Variants in DNER observed in about 807,000 individuals in gnomAD.
DNER encodes delta and Notch-like epidermal growth factor-related receptor.
DNER carries 33 observed loss-of-function variants against 78.2 expected under a neutral mutation model. The ratio of observed to expected loss-of-function variants is 0.42; its 90% CI spans 0.32 to 0.56. The LOEUF is 0.56. Ranked by LOEUF, DNER falls within the 20% of genes least tolerant of loss-of-function variation. DNER has a pLI of 0.11. For synonymous variants in DNER, 417 were observed against 384.8 expected (o/e 1.08, Z -0.98); for missense variants, 918 against 975.3 (o/e 0.94, Z 0.78).
intron 6 of DNER, among the ~76,000 whole-genome samples, chr2:229,483,841 C>T (rs970635736): frequency 2.0e-5 from 3 of 152,142 alleles, no homozygotes; most frequent in African/African-American, 7.2e-5. Flanking sequence ...AAACTTCGCT[C>T]TTATTTCTAC....
At chr2:229,519,058 CCTTT>C (rs1696040261) in intron 5 of DNER, among the ~76,000 whole-genome samples, 1 of 151,738 alleles carries the variant, frequency 6.6e-6, no homozygotes, top group Non-Finnish European at 1.5e-5. Context: ...GACTATTTCT[CCTTT>C]CTAACTTGGA....
Position 229,591,851 on chromosome 2 carries a change from T to C in DNER, c.314A>G (p.His105Arg). 1 of 1,608,896 alleles carries C rather than the reference T, an allele frequency of 6.2e-7. No homozygotes were observed. Among genetic ancestry groups the C allele is most frequent in the Non-Finnish European group, 8.5e-7 (1 of 1,177,312 alleles). ...ADPCASNPCH[H>R]GNCSSSSSSS... is the part of the protein sequence containing the mutation. The stretch of plus-strand genomic sequence containing the variant: ...GCTGCTGCTGCTGCTGCAGTTGCCA[T>C]GGTGACAAGGGTTGCTGGCACAAGG... The change falls in exon 2 of 13, where the codon CAT becomes CGT. Residue 105 changes from histidine (H) to arginine (R), a missense_variant. Coordinates refer to ENST00000341772, the MANE Select transcript of DNER (RefSeq NM_139072.4). This position sits in a 1 kb window ranked among gnomAD's most constrained non-coding sequence, Gnocchi z 4.6.
chr2:229,605,559 A>C lies in DNER; in HGVS notation c.277-13671T>G, dbSNP rs181296598. The stretch of plus-strand genomic sequence containing the variant: ...AAAAGTATATCCATAATGGCTTTTC[A>C]AGCTAACAATTTTTGAACACAGAGC... On this transcript the variant is annotated intron_variant, in intron 1 of 12. Transcript: ENST00000341772. Among the ~76,000 whole-genome samples the C allele has an allele frequency of 6.1e-4, 93 of 152,356 alleles. 1 individual carries two copies. The highest frequency in any genetic ancestry group is 2.2e-3 in the African/African-American group (90 of 41,584).
At chr2:229,516,785 T>TAAAAAA (rs796603043) in intron 5 of DNER, among the ~76,000 whole-genome samples, 2 of 83,866 alleles carry the variant, frequency 2.4e-5, no homozygotes, top group African/African-American at 3.4e-5. Flanking sequence ...ACGCTGTCTC[T>TAAAAAA]AAAAAAAAAA....
chr2:229,506,089 T>A (rs6749788), intron 6 of DNER, among the ~76,000 whole-genome samples: 1 of 151,992 alleles, frequency 6.6e-6, no homozygotes. Context: ...CAAACTGTTT[T>A]GGGGTTGTAT....
intron 8 of DNER, among the ~76,000 whole-genome samples, chr2:229,442,784 G>A (rs1409157761): frequency 1.3e-5 from 2 of 152,092 alleles, no homozygotes; most frequent in African/African-American, 4.8e-5. Flanking sequence ...TTTAACAGAA[G>A]GAGCAGTGTC....
chr2:229,681,844 A>ACACACG (rs1465247864), intron 1 of DNER, among the ~76,000 whole-genome samples: 1 of 151,094 alleles, frequency 6.6e-6, no homozygotes, highest in East Asian at 1.9e-4. Context: ...ACACACACAC[A>ACACACG]CACACACACA....
intron 1 of DNER, among the ~76,000 whole-genome samples, chr2:229,609,677 G>C (rs1036713505): frequency 9.2e-5 from 14 of 152,238 alleles, no homozygotes; most frequent in South Asian, 6.2e-4. Context: ...CTAACGTGCT[G>C]GTGGAGGGAC....
At chr2:229,476,310 GA>G (rs1314571117) in intron 7 of DNER, among the ~76,000 whole-genome samples, 1 of 152,150 alleles carries the variant, frequency 6.6e-6, no homozygotes, top group Non-Finnish European at 1.5e-5. Context: ...CGTTATCTGG[GA>G]AGCCAGTGGC....
At chr2:229,451,370 T>C (rs1036802724) in intron 7 of DNER, among the ~76,000 whole-genome samples, 1 of 152,130 alleles carries the variant, frequency 6.6e-6, no homozygotes, top group African/African-American at 2.4e-5. Flanking sequence ...GGCAGGAGAA[T>C]CGCTTGAACC....
In DNER at chr2:229,501,235, G is replaced by A. The variant is rs372080532; in HGVS notation, c.1147+11548C>T. On this transcript the variant is annotated intron_variant, in intron 6 of 12. Transcript: ENST00000341772. Reference sequence around the variant, plus strand: ...TTCCAGAGATCTATTGTACAACACCGTGACTATAGTTAGTCACAATGTATT... The same window carrying A: ...TTCCAGAGATCTATTGTACAACACCATGACTATAGTTAGTCACAATGTATT... 1.0e-3 allele frequency among the ~76,000 whole-genome samples: 152 copies of A among 151,552 alleles called. 5 individuals carry two copies. Among genetic ancestry groups the A allele is most frequent in the African/African-American group, 9.9e-4 (41 of 41,242 alleles).
At chr2:229,610,101 G>T (rs1403992768) in intron 1 of DNER, among the ~76,000 whole-genome samples, 1 of 152,138 alleles carries the variant, frequency 6.6e-6, no homozygotes, top group East Asian at 1.9e-4. Flanking sequence ...TATTAACATT[G>T]TGCCCTGGTA....
intron 12 of DNER, among the ~76,000 whole-genome samples, chr2:229,363,986 T>C (rs1046025699): frequency 3.2e-5 from 3 of 94,590 alleles, no homozygotes; most frequent in East Asian, 3.2e-4. Flanking sequence ...AATTCTCTGC[T>C]TTTTTTTTTT....
chr2:229,447,949 C>A (rs1694373756), intron 7 of DNER, among the ~76,000 whole-genome samples: 1 of 152,062 alleles, frequency 6.6e-6, no homozygotes, highest in Non-Finnish European at 1.5e-5. Flanking sequence ...TAATGGGGAA[C>A]ACATTTCTTA....
chr2:229,583,977 A>AT (rs911802971), intron 4 of DNER, among the ~76,000 whole-genome samples: 1 of 152,216 alleles, frequency 6.6e-6, no homozygotes, highest in African/African-American at 2.4e-5. Flanking sequence ...ACTTCCAAAG[A>AT]TTAAAAAAAG....
At chr2:229,480,278 G>T (rs1695128575) in intron 6 of DNER, among the ~76,000 whole-genome samples, 1 of 151,976 alleles carries the variant, frequency 6.6e-6, no homozygotes, top group African/African-American at 2.4e-5. Flanking sequence ...ATTTTCCTAG[G>T]TTCCCCATGA....
chr2:229,505,713 T>C (rs889309945), intron 6 of DNER, among the ~76,000 whole-genome samples: 1 of 152,124 alleles, frequency 6.6e-6, no homozygotes, highest in Non-Finnish European at 1.5e-5. Flanking sequence ...GAAAACTAAC[T>C]CTAAGCAAAT....
intron 6 of DNER, among the ~76,000 whole-genome samples, chr2:229,494,312 T>C (rs535594728): frequency 2.0e-5 from 3 of 152,342 alleles, no homozygotes; most frequent in Non-Finnish European, 2.9e-5. Flanking sequence ...TGATTTATCC[T>C]GAGGCAAAAT....
At chr2:229,625,802 G>C (rs1433058216) in intron 1 of DNER, among the ~76,000 whole-genome samples, 1 of 152,006 alleles carries the variant, frequency 6.6e-6, no homozygotes, top group Non-Finnish European at 1.5e-5. Flanking sequence ...ACAGCAAAAA[G>C]GTCCAGTTTG....
Sources: allele counts gnomAD v4.1 joint callset (sites outside exome capture counted in the v4.1 genomes callset), GRCh38; gene constraint gnomAD v4.1.1; non-coding constraint Gnocchi (gnomAD v3.1); transcripts MANE v1.5; gene names NCBI Gene and HGNC (gene_info 2026-07-23, HGNC 2026-07-21).